VEPH1: variants seen among roughly 807,000 people sequenced by gnomAD.
VEPH1 encodes ventricular zone expressed PH domain containing 1.
VEPH1 carries 80 observed loss-of-function variants against 85.2 expected under a neutral mutation model. That is an observed-to-expected ratio of 0.94 (90% confidence interval 0.78 to 1.13). The LOEUF (loss-of-function observed/expected upper bound fraction) is 1.13. VEPH1 is among the 50% of genes most tolerant of loss of function. VEPH1 has a pLI of 0.00. For synonymous variants in VEPH1, 297 were observed against 348.0 expected, an observed-to-expected ratio of 0.85 and a Z score of 1.63; for missense variants, 955 against 980.5, an observed-to-expected ratio of 0.97 and a Z score of 0.35.
intron 5 of VEPH1, among the ~76,000 whole-genome samples, chr3:157,423,409 C>G (rs1165127646): frequency 2.0e-5 from 3 of 152,206 alleles, no homozygotes; most frequent in Non-Finnish European, 4.4e-5. Flanking sequence ...AGTTGGGGTA[C>G]CCAATTGTGT....
At chr3:157,460,043 G>A (rs2109359680) in intron 4 of VEPH1, 138 bp downstream of exon 4, 2 of 1,582,684 alleles carry the variant, frequency 1.3e-6, no homozygotes, top group Non-Finnish European at 1.7e-6. Flanking sequence ...ATGTTCACAG[G>A]TCAACTGGCA....
intron 6 of VEPH1, among the ~76,000 whole-genome samples, chr3:157,398,204 G>GCACACC (rs1485710726): frequency 4.6e-5 from 7 of 152,136 alleles, no homozygotes; most frequent in Non-Finnish European, 8.8e-5. Flanking sequence ...ATACTGCAGT[G>GCACACC]CACACCCAAT....
At chr3:157,354,357 T>C (rs1042391539) in intron 9 of VEPH1, among the ~76,000 whole-genome samples, 9 of 152,204 alleles carry the variant, frequency 5.9e-5, no homozygotes, top group African/African-American at 1.9e-4. Context: ...CTTATCTGTC[T>C]CATCCATCCA....
At chr3:157,474,557 A>T (rs1737268359) in intron 2 of VEPH1, among the ~76,000 whole-genome samples, 1 of 152,216 alleles carries the variant, frequency 6.6e-6, no homozygotes, top group Admixed American at 6.5e-5. Flanking sequence ...CTTAATAGTA[A>T]AAAATATGCC....
chr3:157,421,317 G>A (rs185181652), intron 5 of VEPH1, among the ~76,000 whole-genome samples: 1 of 152,200 alleles, frequency 6.6e-6, no homozygotes, highest in African/African-American at 2.4e-5. Context: ...CACAGAAGGT[G>A]GGTAGTGAGA....
At chr3:157,330,778 C>T (rs139543340) in intron 9 of VEPH1, among the ~76,000 whole-genome samples, 17 of 152,266 alleles carry the variant, frequency 1.1e-4, no homozygotes, top group African/African-American at 2.9e-4. Context: ...AGGTTTTGCC[C>T]CAGCCACATC....
intron 6 of VEPH1, among the ~76,000 whole-genome samples, chr3:157,400,087 TAA>T (rs1730695813): frequency 6.6e-6 from 1 of 152,146 alleles, no homozygotes; most frequent in African/African-American, 2.4e-5. Flanking sequence ...GTAAAAGGAA[TAA>T]GTTTCCATTC....
intron 2 of VEPH1, among the ~76,000 whole-genome samples, chr3:157,488,494 T>G (rs977268762): frequency 3.3e-4 from 47 of 144,614 alleles, no homozygotes; most frequent in Admixed American, 2.0e-3. Context: ...TTTCTGACTT[T>G]CTTTCTTTCT....
At chr3:157,362,035 T>A (rs1484576069) in intron 9 of VEPH1, among the ~76,000 whole-genome samples, 5 of 152,136 alleles carry the variant, frequency 3.3e-5, no homozygotes, top group Non-Finnish European at 7.3e-5. Flanking sequence ...TTTTTTATTT[T>A]TTTTTTGGGT....
chr3:157,284,459 C>G (rs867475365), intron 12 of VEPH1, among the ~76,000 whole-genome samples: 1 of 152,086 alleles, frequency 6.6e-6, no homozygotes, highest in East Asian at 1.9e-4. Context: ...TGTGCATGAC[C>G]AATAAAGCAT....
chr3:157,503,459 C>T (rs891691929), upstream of VEPH1: 3 of 152,208 alleles, frequency 2.0e-5, no homozygotes, highest in Non-Finnish European at 4.4e-5. Context: ...CATTCCCTCC[C>T]CATTGACTCA....
At chr3:157,349,716 A>G (rs1181953218) in intron 9 of VEPH1, among the ~76,000 whole-genome samples, 5 of 151,960 alleles carry the variant, frequency 3.3e-5, no homozygotes, top group South Asian at 2.1e-4. Flanking sequence ...TAGTGTTTCT[A>G]TACACAAACA....
At chr3:157,437,424 T>C in intron 4 of VEPH1, 1 of 1,489,110 alleles carries the variant, frequency 6.7e-7, no homozygotes, top group South Asian at 1.2e-5. Flanking sequence ...GGGCTGCAAC[T>C]TGGCACCACC....
intron 6 of VEPH1, among the ~76,000 whole-genome samples, chr3:157,405,084 A>G (rs2108993904): frequency 6.6e-6 from 1 of 152,226 alleles, no homozygotes; most frequent in East Asian, 1.9e-4. Flanking sequence ...CTCCTCTGGA[A>G]GGAGGAAGAT....
intron 9 of VEPH1, among the ~76,000 whole-genome samples, chr3:157,326,324 C>T (rs1196257233): frequency 6.6e-6 from 1 of 152,142 alleles, no homozygotes; most frequent in Non-Finnish European, 1.5e-5. Context: ...TAAGTCTCCA[C>T]CTATCTGGCT....
At chr3:157,332,889 G>C (rs765388045) in intron 9 of VEPH1, among the ~76,000 whole-genome samples, 6 of 152,150 alleles carry the variant, frequency 3.9e-5, no homozygotes, top group Non-Finnish European at 8.8e-5. Context: ...TATTAATTAT[G>C]AAGGAGGTGA....
At chr3:157,271,451 C>G (rs1714538848) in intron 12 of VEPH1, among the ~76,000 whole-genome samples, 1 of 152,144 alleles carries the variant, frequency 6.6e-6, no homozygotes, top group Non-Finnish European at 1.5e-5. Context: ...CGCCATAGTA[C>G]TCTGGGGCCA....
intron 11 of VEPH1, among the ~76,000 whole-genome samples, chr3:157,309,089 G>GTTATTA (rs752931056): frequency 3.3e-5 from 5 of 151,122 alleles, no homozygotes; most frequent in African/African-American, 9.7e-5. Flanking sequence ...TGTTGTTGTT[G>GTTATTA]TTATTATTAT....
chr3:157,280,261 T>A (rs1160587749), intron 12 of VEPH1, among the ~76,000 whole-genome samples: 2 of 152,224 alleles, frequency 1.3e-5, no homozygotes, highest in East Asian at 3.9e-4. Flanking sequence ...GTACTCACAT[T>A]AGTCTGCCTT....
Sources: gnomAD v4.1 joint callset for allele counts (sites outside exome capture counted in the v4.1 genomes callset) on GRCh38, gnomAD v4.1.1 for gene constraint, MANE v1.5 for transcripts, NCBI Gene and HGNC (gene_info 2026-07-23, HGNC 2026-07-21) for gene names.